Variants in WDFY1 observed in about 807,000 individuals in gnomAD.
WDFY1 encodes the protein WD repeat and FYVE domain-containing protein 1.
A neutral mutation model predicts 56.4 loss-of-function variants in WDFY1; 32 were observed. The observed-to-expected ratio is 0.57, with a 90% CI of 0.43 to 0.76. The LOEUF is 0.76. WDFY1 is among the 30% of genes least tolerant of loss of function. The pLI is 0.00. For missense variants in WDFY1, 480 were observed against 545.7 expected, an observed-to-expected ratio of 0.88 and a Z score of 1.20; for synonymous variants, 192 against 197.3, an observed-to-expected ratio of 0.97 and a Z score of 0.23.
At chr2:223,915,955 G>A (rs1446687086) in intron 2 of WDFY1, among the ~76,000 whole-genome samples, 1 of 152,206 alleles carries the variant, frequency 6.6e-6, no homozygotes, top group Non-Finnish European at 1.5e-5. Context: ...TGAGAACCAA[G>A]GTTACGCATC....
At chr2:223,890,524 T>A (rs988247852) in intron 8 of WDFY1, among the ~76,000 whole-genome samples, 1 of 152,204 alleles carries the variant, frequency 6.6e-6, no homozygotes, top group Non-Finnish European at 1.5e-5. Context: ...CTAACTTTAT[T>A]TCACTTAATA....
intron 8 of WDFY1, among the ~76,000 whole-genome samples, chr2:223,888,083 T>C (rs1462999023): frequency 9.1e-5 from 4 of 44,158 alleles, no homozygotes; most frequent in Non-Finnish European, 4.3e-4. Flanking sequence ...TTACATTAAA[T>C]TTACACTTTT....
At chr2:223,895,315 A>T (rs1481096456) in intron 7 of WDFY1, among the ~76,000 whole-genome samples, 189 bp downstream of exon 7, 1 of 152,128 alleles carries the variant, frequency 6.6e-6, no homozygotes, top group Admixed American at 6.5e-5. Context: ...TGTTTTGTTT[A>T]GTTTTTTGCT....
intron 3 of WDFY1, among the ~76,000 whole-genome samples, chr2:223,911,902 G>T (rs1030174939): frequency 6.6e-6 from 1 of 150,702 alleles, no homozygotes; most frequent in African/African-American, 2.4e-5. Flanking sequence ...TGTCAGCCTT[G>T]ACCTCCTGGG....
rs1574769726 is a variant in WDFY1, at chr2:223,909,164, T to C, written c.279+3089A>G. ...TTCATCTAGAGGACTTGCTACTTAT[T>C]GTACAGATCCCCAGGCCCCTCCCTA... On this transcript the variant is annotated intron_variant, in intron 3 of 11. Transcript: ENST00000233055. Among the ~76,000 whole-genome samples, 3 of 152,304 alleles carry C rather than the reference T, an allele frequency of 2.0e-5. No homozygotes were observed. In the Middle Eastern group the frequency reaches 0.01, roughly 518 times the overall value.
At chr2:223,932,117 CTTTTTTTT>C (rs35246074) in intron 1 of WDFY1, among the ~76,000 whole-genome samples, 1 of 93,986 alleles carries the variant, frequency 1.1e-5, no homozygotes, top group Admixed American at 1.4e-4. Context: ...GTATGAGTAC[CTTTTTTTT>C]TTTTTTTTTT....
intron 8 of WDFY1, 32 bp from the exon 9 acceptor site, chr2:223,884,781 G>A: frequency 6.3e-7 from 1 of 1,588,460 alleles, no homozygotes; most frequent in South Asian, 1.1e-5. Flanking sequence ...GCCACCATCA[G>A]TGTGTCTATA....
chr2:223,912,103 C>T (rs1236806704), intron 3 of WDFY1, 150 bp downstream of exon 3: 5 of 782,284 alleles, frequency 6.4e-6, no homozygotes, highest in African/African-American at 1.8e-5. Flanking sequence ...ATGTGAGCCA[C>T]TGTGCTTGGC....
At chr2:223,912,392 TTAAGAACTATA>T in intron 2 of WDFY1, 66 bp from the exon 3 acceptor site, 3 of 1,376,646 alleles carry the variant, frequency 2.2e-6, no homozygotes, top group East Asian at 2.4e-5. Context: ...TTCAAAGTGA[TTAAGAACTATA>T]TGATAAGAAC....
intron 1 of WDFY1, among the ~76,000 whole-genome samples, chr2:223,926,824 T>C (rs1303056855): frequency 6.6e-6 from 1 of 152,174 alleles, no homozygotes; most frequent in Non-Finnish European, 1.5e-5. Context: ...TGCAAAACTG[T>C]GCCTGGCTAA....
intron 1 of WDFY1, among the ~76,000 whole-genome samples, chr2:223,942,921 G>A (rs921893122): frequency 1.3e-5 from 2 of 151,392 alleles, no homozygotes; most frequent in East Asian, 2.0e-4. Context: ...AGTGGATCAT[G>A]CTTGTAATCC....
chr2:223,901,801 C>T (rs895478956), intron 4 of WDFY1, among the ~76,000 whole-genome samples: 45 of 152,186 alleles, frequency 3.0e-4, no homozygotes, highest in African/African-American at 1.0e-3. Flanking sequence ...AGAGCAATGG[C>T]AGTTTTCTAA....
At chr2:223,884,859 C>CTACT in intron 8 of WDFY1, 110 bp from the exon 9 acceptor site, 1 of 689,256 alleles carries the variant, frequency 1.5e-6, no homozygotes, top group African/African-American at 2.0e-5. Context: ...TTCTTTTCTT[C>CTACT]TTTTTTTTTT....
intron 8 of WDFY1, among the ~76,000 whole-genome samples, chr2:223,890,647 T>C (rs368921272): frequency 1.1e-4 from 16 of 152,294 alleles, no homozygotes; most frequent in East Asian, 5.8e-4. Context: ...TAATCAGTTA[T>C]TATAATTGCT....
intron 9 of WDFY1, among the ~76,000 whole-genome samples, chr2:223,883,247 T>C (rs1025679350): frequency 6.6e-6 from 1 of 152,232 alleles, no homozygotes; most frequent in African/African-American, 2.4e-5. Flanking sequence ...TCATGTATTT[T>C]GCTATTTTCT....
At chr2:223,893,238 T>C (rs956215782) in intron 8 of WDFY1, among the ~76,000 whole-genome samples, 3 of 151,474 alleles carry the variant, frequency 2.0e-5, no homozygotes, top group Non-Finnish European at 2.9e-5. Flanking sequence ...AAAAAGAGAA[T>C]GTACACAGTG....
rs542113237 is a variant in WDFY1 at position 223,884,927 on chromosome 2, T to C, written c.832-178A>G. On this transcript the variant is annotated intron_variant, in intron 8 of 11. Transcript: ENST00000233055. ...TGTGATCTTGGCTCACTGCAACCTC[T>C]GCCTCCTGGATTCAAGTGACTCTCC... Among the ~76,000 whole-genome samples, 208 of 149,842 alleles carry C rather than the reference T, an allele frequency of 1.4e-3. 1 individual carries two copies. Among genetic ancestry groups the C allele is most frequent in the Middle Eastern group, 6.8e-3 (2 of 292 alleles).
chr2:223,914,606 A>G (rs1693758228), intron 2 of WDFY1, among the ~76,000 whole-genome samples: 1 of 152,174 alleles, frequency 6.6e-6, no homozygotes, highest in Admixed American at 6.5e-5. Flanking sequence ...CTTTGCATAA[A>G]AAGTTTGTAG....
chr2:223,879,027 A>T (rs1189943897), intron 11 of WDFY1, among the ~76,000 whole-genome samples: 1 of 152,074 alleles, frequency 6.6e-6, no homozygotes, highest in Non-Finnish European at 1.5e-5. Flanking sequence ...CTACCAAAAA[A>T]AATACAGAAA....
Sources: allele counts gnomAD v4.1 joint callset (sites outside exome capture counted in the v4.1 genomes callset), GRCh38; gene constraint gnomAD v4.1.1; transcripts MANE v1.5; gene names NCBI Gene and HGNC (gene_info 2026-07-23, HGNC 2026-07-21).